The following FILIP1L variants were observed in gnomAD, a reference collection of about 807,000 sequenced individuals.
The protein encoded by FILIP1L is filamin A interacting protein 1 like.
In FILIP1L, 55 loss-of-function variants were observed where a neutral mutation model predicts 96.6. The observed-to-expected ratio is 0.57, with a 90% CI of 0.46 to 0.71. The LOEUF (loss-of-function observed/expected upper bound fraction) is 0.71. Among genes scored for constraint, FILIP1L ranks in the 30% least tolerant of loss-of-function variants. The probability of loss-of-function intolerance (pLI) is 0.00; values close to 1 mark genes in which losing one functional copy is unlikely to be tolerated. For missense variants in FILIP1L, 1,304 were observed against 1,321.2 expected, an observed-to-expected ratio of 0.99 and a Z score of 0.20; for synonymous variants, 467 against 473.9, an observed-to-expected ratio of 0.99 and a Z score of 0.19.
intron 1 of FILIP1L, among the ~76,000 whole-genome samples, chr3:100,018,024 G>T (rs983135693): frequency 6.6e-6 from 1 of 151,978 alleles, no homozygotes; most frequent in East Asian, 1.9e-4. Flanking sequence ...TGTGCACAGT[G>T]ACCAATATGT....
At chr3:99,896,672 A>G (rs1236532068) in intron 4 of FILIP1L, among the ~76,000 whole-genome samples, 2 of 152,228 alleles carry the variant, frequency 1.3e-5, no homozygotes, top group East Asian at 3.8e-4. Flanking sequence ...TCTTCATTTA[A>G]ATTATAATTC....
At chr3:100,078,354 A>C (rs962758833) in intron 1 of FILIP1L, among the ~76,000 whole-genome samples, 2 of 152,206 alleles carry the variant, frequency 1.3e-5, no homozygotes, top group Non-Finnish European at 2.9e-5. Flanking sequence ...TTTCTGTTAC[A>C]GTTCTTACAT....
At chr3:99,845,401 A>G (rs1943318204) in intron 5 of FILIP1L, among the ~76,000 whole-genome samples, 1 of 152,240 alleles carries the variant, frequency 6.6e-6, no homozygotes, top group East Asian at 1.9e-4. Flanking sequence ...TAGACCAATG[A>G]AAGAATGGTA....
chr3:99,998,666 G>A (rs531404800), intron 1 of FILIP1L, among the ~76,000 whole-genome samples: 8 of 152,102 alleles, frequency 5.3e-5, no homozygotes, highest in Non-Finnish European at 8.8e-5. Flanking sequence ...GGGTTCACGC[G>A]ATTCTCCCGC....
At chr3:100,014,869 C>CTTTTTTTTTTTT (rs1559725848) in intron 1 of FILIP1L, among the ~76,000 whole-genome samples, 2 of 18,524 alleles carry the variant, frequency 1.1e-4, no homozygotes, top group South Asian at 1.3e-3. Context: ...TTGTCTTTTT[C>CTTTTTTTTTTTT]TTTTCTTTTT....
intron 4 of FILIP1L, among the ~76,000 whole-genome samples, chr3:99,891,460 T>A (rs1349476631): frequency 6.6e-6 from 1 of 152,234 alleles, no homozygotes; most frequent in Non-Finnish European, 1.5e-5. Context: ...TCACTTTTAT[T>A]CAGTCTTTGG....
chr3:99,996,876 TG>T (rs200859166), intron 1 of FILIP1L, among the ~76,000 whole-genome samples: 2,216 of 151,646 alleles, frequency 0.015, 54 homozygotes, highest in African/African-American at 0.051. Context: ...GAGATTTGGG[TG>T]GGGACACAGC....
chr3:99,913,564 T>C (rs190163942), intron 4 of FILIP1L, among the ~76,000 whole-genome samples: 1 of 152,176 alleles, frequency 6.6e-6, no homozygotes, highest in Non-Finnish European at 1.5e-5. Flanking sequence ...ATGAATTGCA[T>C]CTATAAAATT....
At chr3:100,025,792 A>G (rs2064909507) in intron 1 of FILIP1L, among the ~76,000 whole-genome samples, 1 of 152,122 alleles carries the variant, frequency 6.6e-6, no homozygotes, top group African/African-American at 2.4e-5. Flanking sequence ...GAGTTTGAGA[A>G]GCTCTGCTGT....
At chr3:99,897,997 A>T (rs1220893576) in intron 4 of FILIP1L, 5 of 152,242 alleles carry the variant, frequency 3.3e-5, no homozygotes, top group Admixed American at 3.3e-4. Context: ...CTGATTCCTC[A>T]TACCAATGTT....
chr3:99,943,730 G>A (rs1178620582), intron 1 of FILIP1L, among the ~76,000 whole-genome samples: 1 of 152,106 alleles, frequency 6.6e-6, no homozygotes, highest in Non-Finnish European at 1.5e-5. Flanking sequence ...CATCTTTGGT[G>A]TCTTGGAGCT....
chr3:99,870,938 C>G lies in FILIP1L; in HGVS notation c.606-19868G>C, dbSNP rs74925057. 5.7e-3 allele frequency among the ~76,000 whole-genome samples: 875 copies of G among 152,254 alleles called. 11 individuals are homozygous for G. Among genetic ancestry groups the G allele is most frequent in the African/African-American group, 0.016 (676 of 41,532 alleles). ...CCTTCATTAACCACTGCACTGTGTTCTTCCATATTTTGCTTGAAGGCCATT... is the reference window on the plus strand; with the variant it reads ...CCTTCATTAACCACTGCACTGTGTTGTTCCATATTTTGCTTGAAGGCCATT... On this transcript the variant is annotated intron_variant, in intron 4 of 5. Coordinates refer to ENST00000477258, the MANE Select transcript of FILIP1L (RefSeq NM_001387850.1).
At chr3:100,102,911 C>T (rs752584208) in intron 1 of FILIP1L, among the ~76,000 whole-genome samples, 5 of 152,184 alleles carry the variant, frequency 3.3e-5, no homozygotes, top group Non-Finnish European at 4.4e-5. Context: ...TTTCCATCTA[C>T]CACTAAGTTC....
At chr3:99,888,436 A>G (rs1311921980) in intron 4 of FILIP1L, among the ~76,000 whole-genome samples, 11 of 152,188 alleles carry the variant, frequency 7.2e-5, no homozygotes, top group African/African-American at 2.7e-4. Flanking sequence ...ATGATTTACC[A>G]AAGGTTCTTC....
At chr3:99,878,487 T>C (rs966650577) in intron 4 of FILIP1L, among the ~76,000 whole-genome samples, 3 of 152,246 alleles carry the variant, frequency 2.0e-5, no homozygotes, top group Admixed American at 1.3e-4. Flanking sequence ...ATAGCCTTCT[T>C]CTACATAAAT....
chr3:99,914,092 C>T (rs1326648266), intron 4 of FILIP1L, among the ~76,000 whole-genome samples: 2 of 152,154 alleles, frequency 1.3e-5, no homozygotes, highest in East Asian at 1.9e-4. Context: ...GCAAAGTGGG[C>T]CTTAGATCCC....
chr3:100,028,221 A>C (rs1576653182), intron 1 of FILIP1L, among the ~76,000 whole-genome samples: 1 of 152,332 alleles, frequency 6.6e-6, no homozygotes, highest in East Asian at 1.9e-4. Context: ...CCAGTTTTGC[A>C]GATGAGGAAA....
intron 1 of FILIP1L, among the ~76,000 whole-genome samples, chr3:99,947,792 C>G (rs1708054213): frequency 6.6e-6 from 1 of 152,156 alleles, no homozygotes; most frequent in African/African-American, 2.4e-5. Flanking sequence ...TACTACCTTT[C>G]TAGGCCCTGA....
At chr3:100,027,600 C>G (rs971160852) in intron 1 of FILIP1L, among the ~76,000 whole-genome samples, 1 of 152,102 alleles carries the variant, frequency 6.6e-6, no homozygotes, top group Admixed American at 6.6e-5. Context: ...TGCTCAACTT[C>G]GATACATGCT....
Sources: gnomAD v4.1 joint callset for allele counts (sites outside exome capture counted in the v4.1 genomes callset) on GRCh38, gnomAD v4.1.1 for gene constraint, MANE v1.5 for transcripts, NCBI Gene and HGNC (gene_info 2026-07-23, HGNC 2026-07-21) for gene names.